EXT2: variants seen among roughly 807,000 people sequenced by gnomAD.
The protein encoded by EXT2 is exostosin glycosyltransferase 2.
EXT2 carries 53 observed loss-of-function variants against 81.6 expected under a neutral mutation model. The observed-to-expected ratio is 0.65, with a 90% confidence interval of 0.52 to 0.82. The LOEUF is 0.82. Among genes scored for constraint, EXT2 ranks in the 40% least tolerant of loss-of-function variants. EXT2 has a pLI of 0.00. For missense variants in EXT2, 774 were observed against 910.2 expected (o/e 0.85, Z 1.93); for synonymous variants, 320 against 340.0 (o/e 0.94, Z 0.65).
chr11:44,111,194 A>G (rs1294570499), intron 3 of EXT2, among the ~76,000 whole-genome samples: 1 of 152,192 alleles, frequency 6.6e-6, no homozygotes, highest in African/African-American at 2.4e-5. Context: ...CTGAAGGGAA[A>G]TGTCTGCTCA....
chr11:44,115,950 T>C (rs1954216668), intron 4 of EXT2: 1 of 152,222 alleles, frequency 6.6e-6, no homozygotes, highest in Non-Finnish European at 1.5e-5. Flanking sequence ...GCTTAGGACA[T>C]CTTCCTGGAT....
chr11:44,135,113 T>C (rs1361139609), intron 7 of EXT2, among the ~76,000 whole-genome samples: 1 of 152,172 alleles, frequency 6.6e-6, no homozygotes, highest in Non-Finnish European at 1.5e-5. Flanking sequence ...CTCTAGACTA[T>C]AGTTGGGCCT....
chr11:44,108,674 T>TA (rs1160272430), intron 2 of EXT2, among the ~76,000 whole-genome samples: 11 of 152,192 alleles, frequency 7.2e-5, no homozygotes, highest in Non-Finnish European at 1.3e-4. Context: ...AGATAAACAT[T>TA]ATTAATATTT....
chr11:44,144,825 C>T (rs1954694240), intron 7 of EXT2, among the ~76,000 whole-genome samples: 1 of 152,152 alleles, frequency 6.6e-6, no homozygotes, highest in Non-Finnish European at 1.5e-5. Flanking sequence ...CAAGCTCTTT[C>T]ACCCCTTATT....
At chr11:44,109,419 C>T (rs929700891) in intron 3 of EXT2, 136 bp downstream of exon 3, 42 of 862,886 alleles carry the variant, frequency 4.9e-5, no homozygotes, top group African/African-American at 8.4e-5. Context: ...TAAGTATTTT[C>T]CTCCTGAAGA....
intron 10 of EXT2, among the ~76,000 whole-genome samples, chr11:44,216,701 T>A (rs887315145): frequency 1.3e-5 from 2 of 152,082 alleles, no homozygotes; most frequent in Non-Finnish European, 2.9e-5. Context: ...TTAAAGCAAC[T>A]GGCTCCAGGT....
intron 8 of EXT2, among the ~76,000 whole-genome samples, chr11:44,192,995 A>G (rs149205986): frequency 4.0e-4 from 61 of 152,366 alleles, no homozygotes; most frequent in African/African-American, 1.4e-3. Flanking sequence ...TTACTTCTTT[A>G]AAAAACAAGT....
intron 7 of EXT2, among the ~76,000 whole-genome samples, chr11:44,142,031 A>G (rs917777362): frequency 6.6e-5 from 10 of 152,214 alleles, no homozygotes; most frequent in Non-Finnish European, 1.3e-4. Context: ...AAACCTTCAA[A>G]TAAGGGTTAA....
At chr11:44,099,182 TTTTG>T (rs752311518) in intron 1 of EXT2, among the ~76,000 whole-genome samples, 97 of 151,986 alleles carry the variant, frequency 6.4e-4, no homozygotes, top group Non-Finnish European at 1.1e-3. Context: ...TTGGGTTTTT[TTTTG>T]TTTGTTTGTT....
intron 13 of EXT2, among the ~76,000 whole-genome samples, chr11:44,243,892 G>A (rs1297876304): frequency 6.6e-6 from 1 of 152,016 alleles, no homozygotes; most frequent in Admixed American, 6.6e-5. Context: ...TGGCCTCCAA[G>A]CAGCATCTCC....
At chr11:44,198,427 G>A (rs150792056) in intron 9 of EXT2, among the ~76,000 whole-genome samples, 2 of 151,646 alleles carry the variant, frequency 1.3e-5, no homozygotes, top group African/African-American at 4.8e-5. Context: ...GGAAAAGTCA[G>A]CAGCAAAGCA....
chr11:44,215,012 C>T (rs892884779), intron 10 of EXT2, among the ~76,000 whole-genome samples: 2 of 152,106 alleles, frequency 1.3e-5, no homozygotes, highest in African/African-American at 2.4e-5. Context: ...CCTCCTGCCT[C>T]GGCCTCCCAA....
At chr11:44,122,657 C>T (rs1053806882) in intron 4 of EXT2, among the ~76,000 whole-genome samples, 20 of 152,176 alleles carry the variant, frequency 1.3e-4, no homozygotes. Flanking sequence ...CCAGTCTGTA[C>T]AGCTGATCCA....
At chr11:44,114,110 C>T in intron 3 of EXT2, 75 bp from the exon 4 acceptor site, 1 of 1,288,760 alleles carries the variant, frequency 7.8e-7, no homozygotes, top group Non-Finnish European at 1.1e-6. Context: ...CTCAGTAATT[C>T]CTGTTCCTCT....
At chr11:44,137,138 A>G (rs768502726) in intron 7 of EXT2, among the ~76,000 whole-genome samples, 9 of 152,204 alleles carry the variant, frequency 5.9e-5, no homozygotes, top group Non-Finnish European at 1.2e-4. Flanking sequence ...TTATGTGTTT[A>G]ACTATTTTTT....
intron 8 of EXT2, among the ~76,000 whole-genome samples, chr11:44,178,625 G>A (rs1478627324): frequency 3.9e-5 from 6 of 152,082 alleles, no homozygotes; most frequent in Admixed American, 1.3e-4. Flanking sequence ...GCACTAGCTC[G>A]GATGTATGAA....
At chr11:44,163,266 A>C (rs1046685712) in intron 7 of EXT2, among the ~76,000 whole-genome samples, 3 of 152,250 alleles carry the variant, frequency 2.0e-5, no homozygotes, top group African/African-American at 4.8e-5. Flanking sequence ...GAATAAACAA[A>C]AAAATCTTGC....
chr11:44,208,494 G>A (rs974654393), intron 10 of EXT2, among the ~76,000 whole-genome samples: 1 of 152,158 alleles, frequency 6.6e-6, no homozygotes, highest in African/African-American at 2.4e-5. Flanking sequence ...GACTGAGCTC[G>A]AATCTTTACC....
intron 7 of EXT2, among the ~76,000 whole-genome samples, chr11:44,137,892 C>G (rs1055968947): frequency 4.6e-5 from 7 of 152,162 alleles, no homozygotes; most frequent in Non-Finnish European, 8.8e-5. Context: ...CAGATCCTGT[C>G]TTTAAGAAAG....
Sources: allele counts gnomAD v4.1 joint callset (sites outside exome capture counted in the v4.1 genomes callset), GRCh38; gene constraint gnomAD v4.1.1; transcripts MANE v1.5; gene names NCBI Gene and HGNC (gene_info 2026-07-23, HGNC 2026-07-21).